MRPS6: variants seen among roughly 807,000 people sequenced by gnomAD.
The protein encoded by MRPS6 is small ribosomal subunit protein bS6m.
In MRPS6, 6 loss-of-function variants were observed where a neutral mutation model predicts 13.1. The observed-to-expected ratio is 0.46, with a 90% CI of 0.25 to 0.91. The LOEUF (loss-of-function observed/expected upper bound fraction) is 0.91. MRPS6 is among the 40% of genes least tolerant of loss of function. The probability of loss-of-function intolerance (pLI) is 0.18; values close to 1 mark genes in which losing one functional copy is unlikely to be tolerated. For missense variants in MRPS6, 164 were observed against 155.6 expected (o/e 1.05, Z -0.29); for synonymous variants, 61 against 56.5 (o/e 1.08, Z -0.36).
At chr21:34,087,156 T>C (rs997684583) in intron 1 of MRPS6, among the ~76,000 whole-genome samples, 2 of 152,220 alleles carry the variant, frequency 1.3e-5, no homozygotes, top group African/African-American at 4.8e-5. Context: ...GAGATTTTTA[T>C]CTGAATGAAC....
At chr21:34,088,202 A>C (rs1378108804) in intron 1 of MRPS6, among the ~76,000 whole-genome samples, 4 of 278 alleles carry the variant, frequency 0.014, no homozygotes, top group Admixed American at 0.056. Context: ...CTTAGATAGA[A>C]TCTATAGCTG....
At chr21:34,089,114 CCT>C (rs1380936293) in intron 1 of MRPS6, among the ~76,000 whole-genome samples, 4 of 151,550 alleles carry the variant, frequency 2.6e-5, no homozygotes, top group African/African-American at 4.9e-5. Flanking sequence ...GCAACCTCCA[CCT>C]CTCTGGGTTC....
chr21:34,138,442 C>T (rs1320120784), intron 2 of MRPS6, among the ~76,000 whole-genome samples: 2 of 151,978 alleles, frequency 1.3e-5, no homozygotes, highest in Non-Finnish European at 2.9e-5. Flanking sequence ...AACTACTCAT[C>T]TAACAAAGGG....
intron 1 of MRPS6, among the ~76,000 whole-genome samples, chr21:34,114,491 T>TA (rs994032256): frequency 2.0e-5 from 3 of 151,214 alleles, no homozygotes; most frequent in African/African-American, 7.3e-5. Context: ...TGGGGAGCTT[T>TA]AAAAAAATCT....
intron 1 of MRPS6, chr21:34,106,063 C>A (rs1208950718): frequency 7.0e-6 from 7 of 997,888 alleles, no homozygotes; most frequent in Non-Finnish European, 7.2e-6. Flanking sequence ...CTGTAAAATA[C>A]ACTGTTCTTT....
rs16991196 is a variant in MRPS6 at position 34,098,374 on chromosome 21, T to A, written c.45+24629T>A. 3,394 of 1,000,294 alleles carry A rather than the reference T, an allele frequency of 3.4e-3. 7 individuals are homozygous for A. Among genetic ancestry groups the A allele is most frequent in the Non-Finnish European group, 3.7e-3 (3,056 of 830,006 alleles). 62.0% of individuals were successfully genotyped at this position (1,000,294 alleles called of 1,614,324 possible). A position where few individuals can be genotyped will look rare whatever the true frequency, so the allele number is the denominator to read the frequency against. On this transcript the variant is annotated intron_variant, in intron 1 of 2. Coordinates refer to ENST00000399312, the MANE Select transcript of MRPS6 (RefSeq NM_032476.4). ...GCCTTTGTGTGCTGGATTGCTCTAC[T>A]TGATTAGATCATGATATATCAAGGT...
intron 1 of MRPS6, among the ~76,000 whole-genome samples, chr21:34,113,934 A>G (rs1979805507): frequency 6.6e-6 from 1 of 152,172 alleles, no homozygotes; most frequent in Non-Finnish European, 1.5e-5. Flanking sequence ...GTTGAAATAT[A>G]AGGCGAAGGC....
chr21:34,129,609 C>T (rs923721811), intron 2 of MRPS6, among the ~76,000 whole-genome samples: 1 of 152,184 alleles, frequency 6.6e-6, no homozygotes, highest in African/African-American at 2.4e-5. Flanking sequence ...TAACCAGCTC[C>T]ATGGTGAATC....
chr21:34,084,854 G>A (rs948578193), intron 1 of MRPS6, among the ~76,000 whole-genome samples: 7 of 152,014 alleles, frequency 4.6e-5, no homozygotes, highest in Non-Finnish European at 8.8e-5. Context: ...CAGACTTAAA[G>A]AGCAGTTCAT....
chr21:34,079,415 C>T (rs1218663252), intron 1 of MRPS6, among the ~76,000 whole-genome samples: 2 of 151,758 alleles, frequency 1.3e-5, no homozygotes, highest in Non-Finnish European at 2.9e-5. Context: ...TCTGATGTTA[C>T]TCCCTTGATT....
intron 1 of MRPS6, among the ~76,000 whole-genome samples, chr21:34,091,766 C>T (rs1978706480): frequency 6.6e-6 from 1 of 152,126 alleles, no homozygotes; most frequent in South Asian, 2.1e-4. Flanking sequence ...TTTCAAAGCA[C>T]CTTTGTGTTC....
intron 1 of MRPS6, among the ~76,000 whole-genome samples, chr21:34,111,845 G>GTTTT (rs60855689): frequency 7.0e-6 from 1 of 141,980 alleles, no homozygotes; most frequent in Non-Finnish European, 1.6e-5. Flanking sequence ...CAGAGTTGAG[G>GTTTT]TTTTTTTTTT....
rs749819511 is a variant in MRPS6, at chr21:34,096,802, C to G, written c.45+23057C>G. ...GTAATTGTGAGCCTTCTCACACCAC[C>G]TCCCACAAAGGAACAGATTCGAACC... On this transcript the variant is annotated intron_variant, in intron 1 of 2. Transcript: ENST00000399312. The surrounding 1 kb of genome is among the most constrained non-coding windows in gnomAD (Gnocchi z 5.9). 6.8e-6 allele frequency: 11 copies of G among 1,614,056 alleles called. No homozygotes were observed. Among genetic ancestry groups the G allele is most frequent in the African/African-American group, 2.7e-5 (2 of 75,028 alleles).
At chr21:34,113,982 A>T (rs1204255705) in intron 1 of MRPS6, among the ~76,000 whole-genome samples, 1 of 152,200 alleles carries the variant, frequency 6.6e-6, no homozygotes, top group Non-Finnish European at 1.5e-5. Flanking sequence ...GCAATCAATA[A>T]GGCAGGTGGC....
chr21:34,098,604 G>A, intron 1 of MRPS6: 4 of 1,000,300 alleles, frequency 4.0e-6, no homozygotes, highest in Non-Finnish European at 4.8e-6. Context: ...TTGTTAGGTT[G>A]TCAATATAGT....
chr21:34,104,121 C>T (rs888489069), intron 1 of MRPS6: 1 of 999,540 alleles, frequency 1.0e-6, no homozygotes, highest in African/African-American at 1.7e-5. Context: ...ATGAAGTTAC[C>T]TTTATTTTTT....
At chr21:34,085,547 A>G (rs1978331166) in intron 1 of MRPS6, among the ~76,000 whole-genome samples, 1 of 152,186 alleles carries the variant, frequency 6.6e-6, no homozygotes, top group African/African-American at 2.4e-5. Context: ...ACTTTAAAGC[A>G]AACTTAGATA....
intron 1 of MRPS6, among the ~76,000 whole-genome samples, chr21:34,087,519 C>T (rs937669311): frequency 1.3e-5 from 2 of 152,108 alleles, no homozygotes; most frequent in Non-Finnish European, 2.9e-5. Flanking sequence ...ACAGAAGAAA[C>T]GTTTAAGTTT....
chr21:34,121,048 C>T (rs766588266), intron 1 of MRPS6, among the ~76,000 whole-genome samples: 15 of 152,118 alleles, frequency 9.9e-5, no homozygotes, highest in East Asian at 1.9e-4. Flanking sequence ...CCATTTTAGA[C>T]GTTGGGAATA....
Sources: gnomAD v4.1 joint callset for allele counts (sites outside exome capture counted in the v4.1 genomes callset) on GRCh38, gnomAD v4.1.1 for gene constraint, Gnocchi (gnomAD v3.1) non-coding constraint, MANE v1.5 for transcripts, NCBI Gene and HGNC (gene_info 2026-07-23, HGNC 2026-07-21) for gene names.